HS3ST4: variants seen among roughly 807,000 people sequenced by gnomAD.
The protein encoded by HS3ST4 is heparan sulfate-glucosamine 3-sulfotransferase 4, also known as heparan sulfate glucosamine 3-O-sulfotransferase 4.
A neutral mutation model predicts 29.2 loss-of-function variants in HS3ST4; 17 were observed. That is an observed-to-expected ratio of 0.58 (90% confidence interval 0.40 to 0.87). The LOEUF is 0.87. Among genes scored for constraint, HS3ST4 ranks in the 40% least tolerant of loss-of-function variants. The pLI is 0.00. For synonymous variants in HS3ST4, 314 were observed against 285.7 expected (o/e 1.10, Z -1.00); for missense variants, 627 against 634.5 (o/e 0.99, Z 0.13).
intron 1 of HS3ST4, among the ~76,000 whole-genome samples, chr16:25,799,206 T>A (rs1314377698): frequency 1.3e-5 from 2 of 152,188 alleles, no homozygotes; most frequent in African/African-American, 4.8e-5. Flanking sequence ...GTGTTGTAAG[T>A]GATTTCCATG....
chr16:25,692,311 G>A lies in HS3ST4; in HGVS notation c.-107G>A, dbSNP rs1596545026. 7.2e-5 allele frequency: 10 copies of A among 139,784 alleles called. No individual in the cohort carries two copies. The highest frequency in any genetic ancestry group is 1.4e-4 in the Non-Finnish European group (9 of 66,580). The allele number at this position is 139,784 out of a possible 1,614,324, so 8.7% of individuals were successfully genotyped here. ...GCAGCCGGGGCGGCTGGGCAGCGGC[G>A]GCGGCGGCGGCGGCGGCGGCGGCGG... On this transcript the variant is annotated 5_prime_UTR_variant, in exon 1 of 2. Coordinates refer to ENST00000331351, the MANE Select transcript of HS3ST4 (RefSeq NM_006040.3).
chr16:25,792,222 T>C (rs958171587), intron 1 of HS3ST4, among the ~76,000 whole-genome samples: 1 of 151,968 alleles, frequency 6.6e-6, no homozygotes, highest in Admixed American at 6.6e-5. Flanking sequence ...AATTTGTTTA[T>C]TCATGAATAT....
intron 1 of HS3ST4, among the ~76,000 whole-genome samples, chr16:25,869,389 T>A (rs1218082968): frequency 6.6e-6 from 1 of 152,184 alleles, no homozygotes; most frequent in Non-Finnish European, 1.5e-5. Context: ...GGAAGCAGAC[T>A]GGTGCTGAAG....
At position 26,059,567 on chromosome 16, in the gene HS3ST4, C is replaced by T. The variant is rs147113322; in HGVS notation, c.735-76045C>T. Among the ~76,000 whole-genome samples, 597 of 152,160 alleles carry T rather than the reference C, an allele frequency of 3.9e-3. 4 individuals are homozygous for T. Among genetic ancestry groups the T allele is most frequent in the African/African-American group, 0.014 (563 of 41,524 alleles). ...GTCATTCATTAATGCATTGATTGAACGGCATGACTAATAGTTGCCAGGTTT... is the reference window on the plus strand; with the variant it reads ...GTCATTCATTAATGCATTGATTGAATGGCATGACTAATAGTTGCCAGGTTT... On this transcript the variant is annotated intron_variant, in intron 1 of 1. Coordinates refer to ENST00000331351, the MANE Select transcript of HS3ST4 (RefSeq NM_006040.3).
chr16:25,981,653 G>A (rs990878638), intron 1 of HS3ST4, among the ~76,000 whole-genome samples: 7 of 58,110 alleles, frequency 1.2e-4, no homozygotes, highest in Admixed American at 1.2e-3. Flanking sequence ...TGTCGCCCAG[G>A]CAATGGTGGA....
intron 1 of HS3ST4, among the ~76,000 whole-genome samples, chr16:25,944,464 A>AC (rs1304637449): frequency 6.6e-6 from 1 of 152,058 alleles, no homozygotes; most frequent in East Asian, 1.9e-4. Context: ...CCTAAGCAAA[A>AC]CCCCCTGGGG....
chr16:26,005,838 C>A (rs1055445274), intron 1 of HS3ST4, among the ~76,000 whole-genome samples: 2 of 151,966 alleles, frequency 1.3e-5, no homozygotes, highest in African/African-American at 4.8e-5. Context: ...CTGGATAATT[C>A]TTCATTGTGG....
intron 1 of HS3ST4, among the ~76,000 whole-genome samples, chr16:25,790,855 TC>T (rs1966867698): frequency 2.0e-5 from 3 of 152,244 alleles, no homozygotes; most frequent in Admixed American, 6.5e-5. Context: ...CGATGTTTTT[TC>T]ATACACTCTA....
intron 1 of HS3ST4, among the ~76,000 whole-genome samples, chr16:25,908,540 C>G (rs35052761): frequency 4.3e-4 from 65 of 152,096 alleles, no homozygotes; most frequent in Non-Finnish European, 8.5e-4. Context: ...AAGGTGAGGT[C>G]GAATACTCTT....
At chr16:25,713,236 C>T (rs1020130380) in intron 1 of HS3ST4, among the ~76,000 whole-genome samples, 5 of 151,964 alleles carry the variant, frequency 3.3e-5, no homozygotes, top group African/African-American at 1.2e-4. Flanking sequence ...CTTTAAAGAT[C>T]CTGTCTCCAA....
chr16:26,077,542 G>C (rs1898676925), intron 1 of HS3ST4, among the ~76,000 whole-genome samples: 1 of 152,306 alleles, frequency 6.6e-6, no homozygotes, highest in South Asian at 2.1e-4. Flanking sequence ...ATTGCCACCT[G>C]ACATGTTACA....
At chr16:25,830,398 T>C (rs1337033935) in intron 1 of HS3ST4, among the ~76,000 whole-genome samples, 1 of 152,234 alleles carries the variant, frequency 6.6e-6, no homozygotes, top group African/African-American at 2.4e-5. Context: ...CGATGTGTCC[T>C]GAGCCTCTGT....
At position 25,732,044 on chromosome 16, in the gene HS3ST4, A is replaced by G. The variant is rs78724928; in HGVS notation, c.734+38893A>G. On this transcript the variant is annotated intron_variant, in intron 1 of 1. Coordinates refer to ENST00000331351, the MANE Select transcript of HS3ST4 (RefSeq NM_006040.3). Reference sequence around the variant, plus strand: ...CCCTCCTGATCCAAAATTGGGGTAGACACATTGCAAAACCCATAAGGGGTT... The same window carrying G: ...CCCTCCTGATCCAAAATTGGGGTAGGCACATTGCAAAACCCATAAGGGGTT... 9.3e-3 allele frequency among the ~76,000 whole-genome samples: 1,412 copies of G among 152,306 alleles called. 14 individuals carry two copies. Among genetic ancestry groups the G allele is most frequent in the African/African-American group, 0.032 (1,334 of 41,566 alleles).
chr16:26,111,429 A>G (rs998014652), intron 1 of HS3ST4, among the ~76,000 whole-genome samples: 7 of 147,930 alleles, frequency 4.7e-5, no homozygotes, highest in African/African-American at 1.3e-4. Flanking sequence ...ATTTTTTTCT[A>G]TATCAGGCCA....
intron 1 of HS3ST4, among the ~76,000 whole-genome samples, chr16:25,927,049 C>T (rs776037096): frequency 1.3e-5 from 2 of 150,152 alleles, no homozygotes; most frequent in Non-Finnish European, 2.9e-5. Flanking sequence ...GCGACAAGAG[C>T]GAAACTCCGT....
At chr16:25,790,738 G>A (rs912428156) in intron 1 of HS3ST4, among the ~76,000 whole-genome samples, 3 of 151,950 alleles carry the variant, frequency 2.0e-5, no homozygotes, top group Admixed American at 6.6e-5. Flanking sequence ...TAAAAAAATC[G>A]ATTTGCTTTT....
At chr16:26,084,025 G>A (rs1249364054) in intron 1 of HS3ST4, among the ~76,000 whole-genome samples, 1 of 152,216 alleles carries the variant, frequency 6.6e-6, no homozygotes, top group African/African-American at 2.4e-5. Flanking sequence ...GGAACAGAAA[G>A]AGGGCAAGAA....
At chr16:25,832,942 T>C (rs1467789783) in intron 1 of HS3ST4, among the ~76,000 whole-genome samples, 1 of 152,218 alleles carries the variant, frequency 6.6e-6, no homozygotes, top group Non-Finnish European at 1.5e-5. Flanking sequence ...TGGCTGGTTG[T>C]AGAAAAGCCC....
chr16:26,110,793 C>T (rs1323200825), intron 1 of HS3ST4, among the ~76,000 whole-genome samples: 1 of 152,118 alleles, frequency 6.6e-6, no homozygotes, highest in African/African-American at 2.4e-5. Flanking sequence ...TAGTCTTGCA[C>T]TACCTCTCTG....
Sources: gnomAD v4.1 joint callset for allele counts (sites outside exome capture counted in the v4.1 genomes callset) on GRCh38, gnomAD v4.1.1 for gene constraint, MANE v1.5 for transcripts, NCBI Gene and HGNC (gene_info 2026-07-23, HGNC 2026-07-21) for gene names.